AOPEP: variants seen among roughly 807,000 people sequenced by gnomAD.
AOPEP encodes the protein aminopeptidase O.
AOPEP carries 77 observed loss-of-function variants against 98.1 expected under a neutral mutation model. The ratio of observed to expected loss-of-function variants is 0.78; its 90% CI spans 0.65 to 0.95. AOPEP has a LOEUF of 0.95. Among genes scored for constraint, AOPEP ranks in the 40% least tolerant of loss-of-function variants. AOPEP has a pLI of 0.00. For missense variants in AOPEP, 1,024 were observed against 1,024.7 expected, an observed-to-expected ratio of 1.00 and a Z score of 0.01; for synonymous variants, 346 against 365.3, an observed-to-expected ratio of 0.95 and a Z score of 0.60.
chr9:94,813,132 G>C (rs1179443363), intron 5 of AOPEP, among the ~76,000 whole-genome samples: 1 of 152,148 alleles, frequency 6.6e-6, no homozygotes, highest in East Asian at 1.9e-4. Flanking sequence ...CTATAGGGTG[G>C]GTTATAGAGT....
chr9:94,895,398 T>C (rs1248349772), intron 5 of AOPEP, among the ~76,000 whole-genome samples: 1 of 128,654 alleles, frequency 7.8e-6, no homozygotes, highest in Non-Finnish European at 1.6e-5. Flanking sequence ...AGACCCTGTC[T>C]CACACACACA....
chr9:94,860,194 C>T lies in AOPEP; in HGVS notation c.1364+59192C>T, dbSNP rs570594949. On this transcript the variant is annotated intron_variant, in intron 5 of 16. Transcript: ENST00000375315. ...GGAGTAGGAAGAAGGGCATATTATA[C>T]AGGAGGACAGGCTGTGATTGGAAGC... Among the ~76,000 whole-genome samples, 5 of 152,146 alleles carry T rather than the reference C, an allele frequency of 3.3e-5. No homozygotes were observed. The South Asian group carries it at 1.0e-3, about 32-fold the overall frequency.
intron 1 of AOPEP, among the ~76,000 whole-genome samples, chr9:94,732,247 C>CT (rs57168878): frequency 0.89 from 131,170 of 147,468 alleles, 58,428 homozygotes; most frequent in Non-Finnish European, 0.93. Flanking sequence ...TTTCAGTCAA[C>CT]TTTTTTTTTT....
chr9:94,729,994 A>C (rs1207589008), intron 1 of AOPEP, among the ~76,000 whole-genome samples: 1 of 152,198 alleles, frequency 6.6e-6, no homozygotes, highest in Non-Finnish European at 1.5e-5. Context: ...CACATAATGA[A>C]AATGTCTGGG....
At chr9:94,883,842 T>C (rs2047875282) in intron 5 of AOPEP, among the ~76,000 whole-genome samples, 1 of 152,204 alleles carries the variant, frequency 6.6e-6, no homozygotes, top group Non-Finnish European at 1.5e-5. Flanking sequence ...TGAGAAATTG[T>C]ATCTGACATA....
At chr9:94,832,176 C>A (rs926693545) in intron 5 of AOPEP, among the ~76,000 whole-genome samples, 2 of 151,974 alleles carry the variant, frequency 1.3e-5, no homozygotes, top group Admixed American at 6.6e-5. Flanking sequence ...AAAAATATTC[C>A]TAATTTATAA....
the AOPEP span, chr9:95,101,310 C>T: frequency 3.0e-6 from 1 of 337,764 alleles, no homozygotes; most frequent in Non-Finnish European, 5.5e-6. Context: ...TCTCTAAATT[C>T]TTTAATGGTT....
chr9:94,984,178 G>A (rs1589163762), intron 11 of AOPEP, among the ~76,000 whole-genome samples: 2 of 151,506 alleles, frequency 1.3e-5, no homozygotes, highest in Admixed American at 6.6e-5. Flanking sequence ...GGATACAGGC[G>A]CCCGCCACCA....
At position 94,894,492 on chromosome 9, in the gene AOPEP, G is replaced by C. The variant is rs562531750; in HGVS notation, c.1365-29494G>C. On this transcript the variant is annotated intron_variant, in intron 5 of 16. Transcript: ENST00000375315. The stretch of plus-strand genomic sequence containing the variant: ...TAAATGATTTTCTAAGAACATATGA[G>C]TCACCAAAAATTGATACCGAATGAA... 4.6e-5 allele frequency among the ~76,000 whole-genome samples: 7 copies of C among 152,202 alleles called. No individual in the cohort carries two copies. The South Asian group carries it at 1.5e-3, about 32-fold the overall frequency.
the AOPEP span, chr9:95,150,023 C>A: frequency 1.2e-6 from 2 of 1,614,128 alleles, no homozygotes; most frequent in Non-Finnish European, 1.7e-6. Context: ...AGGGGGTCAA[C>A]ATCTGTCAGG....
intron 13 of AOPEP, among the ~76,000 whole-genome samples, chr9:95,028,967 T>C (rs1159459178): frequency 6.6e-6 from 1 of 152,226 alleles, no homozygotes; most frequent in Admixed American, 6.5e-5. Flanking sequence ...ACTGAGATAC[T>C]AGCCTAGTGT....
At chr9:95,088,271 A>C (rs2070813347), downstream of AOPEP, among the ~76,000 whole-genome samples, 2 of 149,780 alleles carry the variant, frequency 1.3e-5, no homozygotes, top group South Asian at 2.1e-4. Flanking sequence ...ATGCAATGGC[A>C]CGATCTCTGT....
At chr9:95,044,662 GT>G (rs771967076) in intron 13 of AOPEP, among the ~76,000 whole-genome samples, 89 of 152,200 alleles carry the variant, frequency 5.8e-4, no homozygotes, top group Admixed American at 1.7e-3. Flanking sequence ...AGAAAGGTTT[GT>G]TGAAGGGCTG....
intron 5 of AOPEP, among the ~76,000 whole-genome samples, chr9:94,854,600 A>G (rs1035337109): frequency 6.6e-6 from 1 of 152,214 alleles, no homozygotes; most frequent in Non-Finnish European, 1.5e-5. Context: ...TAGTCAAAGA[A>G]CTAATGACAT....
Position 94,821,365 on chromosome 9 carries a change from T to A in AOPEP, c.1364+20363T>A, listed in dbSNP as rs575594891. On this transcript the variant is annotated intron_variant, in intron 5 of 16. Coordinates refer to ENST00000375315, the MANE Select transcript of AOPEP (RefSeq NM_001193329.3). The stretch of plus-strand genomic sequence containing the variant: ...CTTACAAACTAAAGGGAAATCATAT[T>A]TTACCACAATGAGAAAAAATGAAGG... Among the ~76,000 whole-genome samples, 3 of 152,274 alleles carry A rather than the reference T, an allele frequency of 2.0e-5. No homozygotes were observed. The South Asian group carries it at 6.2e-4, about 32-fold the overall frequency.
In AOPEP at chr9:94,947,872, A is replaced by G. The variant is rs12682754; in HGVS notation, c.1662-7305A>G. ...CATCTGACCCCAGAGCCCAGCTCCT[A>G]ACTGCTCCTCTCCACATCACCTCCC... is the stretch of plus-strand genomic sequence containing the variant. On this transcript the variant is annotated intron_variant, in intron 7 of 16. Coordinates refer to ENST00000375315, the MANE Select transcript of AOPEP (RefSeq NM_001193329.3). Among the ~76,000 whole-genome samples the G allele has an allele frequency of 5.2e-3, 799 of 152,214 alleles. 14 individuals are homozygous for G. The highest frequency in any genetic ancestry group is 0.043 in the East Asian group (225 of 5,174).
intron 5 of AOPEP, among the ~76,000 whole-genome samples, chr9:94,821,817 T>G (rs1444422412): frequency 6.6e-6 from 1 of 152,232 alleles, no homozygotes; most frequent in East Asian, 1.9e-4. Flanking sequence ...TAGATGTGAT[T>G]TATCTCAGCC....
intron 13 of AOPEP, among the ~76,000 whole-genome samples, chr9:95,060,044 T>C (rs1051188925): frequency 2.0e-5 from 3 of 152,220 alleles, no homozygotes; most frequent in Non-Finnish European, 4.4e-5. Flanking sequence ...GCCCTTAACT[T>C]GTAACACCAC....
chr9:94,741,488 G>T (rs1833106186), intron 1 of AOPEP, among the ~76,000 whole-genome samples: 1 of 151,984 alleles, frequency 6.6e-6, no homozygotes, highest in Non-Finnish European at 1.5e-5. Flanking sequence ...AGCCAGGATG[G>T]TCTCCATCTC....
Sources: allele counts gnomAD v4.1 joint callset (sites outside exome capture counted in the v4.1 genomes callset), GRCh38; gene constraint gnomAD v4.1.1; transcripts MANE v1.5; gene names NCBI Gene and HGNC (gene_info 2026-07-23, HGNC 2026-07-21).